Variants in TRIM37 observed in about 807,000 individuals in gnomAD.
TRIM37 encodes tripartite motif containing 37, also known as E3 ubiquitin-protein ligase TRIM37.
TRIM37 carries 80 observed loss-of-function variants against 129.8 expected under a neutral mutation model. The observed-to-expected ratio is 0.62, with a 90% CI of 0.51 to 0.74. TRIM37 has a LOEUF of 0.74. Among genes scored for constraint, TRIM37 ranks in the 30% least tolerant of loss-of-function variants. The pLI is 0.00. For synonymous variants in TRIM37, 389 were observed against 387.1 expected (o/e 1.00, Z -0.06); for missense variants, 1,054 against 1,176.5 (o/e 0.90, Z 1.52).
At chr17:59,061,239 C>A in intron 11 of TRIM37, 131 bp from the exon 12 acceptor site, 1 of 730,400 alleles carries the variant, frequency 1.4e-6, no homozygotes, top group Non-Finnish European at 2.4e-6. Flanking sequence ...ATTAAAAACA[C>A]CAATAGATTT....
intron 12 of TRIM37, among the ~76,000 whole-genome samples, chr17:59,060,248 T>G (rs1482662297): frequency 6.6e-6 from 1 of 152,156 alleles, no homozygotes; most frequent in Non-Finnish European, 1.5e-5. Flanking sequence ...ATTGTAGAGT[T>G]AGTTTGTGTT....
chr17:59,065,343 C>A (rs1242773539), intron 9 of TRIM37, among the ~76,000 whole-genome samples: 1 of 152,030 alleles, frequency 6.6e-6, no homozygotes, highest in Non-Finnish European at 1.5e-5. Context: ...TACTTTGAAA[C>A]TATTTACTAG....
At chr17:59,012,478 A>AT (rs780735468) in intron 21 of TRIM37, 32 bp from the exon 22 acceptor site, 1 of 1,355,952 alleles carries the variant, frequency 7.4e-7, no homozygotes, top group East Asian at 2.3e-5. Context: ...ATATTTCTCT[A>AT]TAACTAGTGA....
At chr17:58,981,102 A>G (rs567468073), downstream of TRIM37, 5 of 1,098,844 alleles carry the variant, frequency 4.6e-6, no homozygotes, top group South Asian at 6.4e-5. Context: ...AACAAGGTAG[A>G]CATTTCTAAA....
intron 9 of TRIM37, among the ~76,000 whole-genome samples, chr17:59,066,462 TA>T (rs1383999384): frequency 2.0e-5 from 3 of 152,350 alleles, no homozygotes; most frequent in Admixed American, 2.0e-4. Flanking sequence ...TATCATATTT[TA>T]TTGGCCATTA....
chr17:58,994,535 T>C (rs1470733606), downstream of TRIM37, among the ~76,000 whole-genome samples: 4 of 152,046 alleles, frequency 2.6e-5, no homozygotes, highest in African/African-American at 9.7e-5. Flanking sequence ...TGCAGTAAGC[T>C]ATGCACAGCT....
intron 19 of TRIM37, among the ~76,000 whole-genome samples, chr17:59,025,222 CATCAT>C (rs1266686465): frequency 6.6e-6 from 1 of 151,976 alleles, no homozygotes; most frequent in Admixed American, 6.6e-5. Context: ...CCTCACACAG[CATCAT>C]ATAAAATTAA....
chr17:59,050,823 CA>C (rs1227733398), intron 14 of TRIM37, among the ~76,000 whole-genome samples: 1 of 151,798 alleles, frequency 6.6e-6, no homozygotes, highest in African/African-American at 2.4e-5. Context: ...ACTAAAAATA[CA>C]AAAAAATTAG....
intron 5 of TRIM37, among the ~76,000 whole-genome samples, chr17:59,083,204 G>A (rs979077109): frequency 6.6e-6 from 1 of 152,144 alleles, no homozygotes; most frequent in African/African-American, 2.4e-5. Flanking sequence ...GGGAGGCCAA[G>A]TCAGGTGGAT....
chr17:58,992,362 C>T (rs1419874071), intron 24 of TRIM37, among the ~76,000 whole-genome samples: 1 of 146,032 alleles, frequency 6.8e-6, no homozygotes, highest in African/African-American at 2.5e-5. Context: ...GTACTGTCAA[C>T]CAGGGAAACT....
At chr17:58,993,444 GACT>G (rs2032653595), downstream of TRIM37, among the ~76,000 whole-genome samples, 1 of 152,176 alleles carries the variant, frequency 6.6e-6, no homozygotes, top group South Asian at 2.1e-4. Context: ...CCACACAGTG[GACT>G]ACTACTGCTC....
chr17:58,996,792 A>G (rs545308302), downstream of TRIM37, among the ~76,000 whole-genome samples: 38 of 79,404 alleles, frequency 4.8e-4, no homozygotes, highest in East Asian at 3.0e-3. Context: ...GTATATATAT[A>G]TGTGTGTGTG....
At chr17:59,019,151 A>T (rs909510439) in intron 19 of TRIM37, among the ~76,000 whole-genome samples, 1 of 152,192 alleles carries the variant, frequency 6.6e-6, no homozygotes, top group African/African-American at 2.4e-5. Flanking sequence ...TTCCACTTCT[A>T]AGCATATACT....
intron 15 of TRIM37, among the ~76,000 whole-genome samples, 200 bp downstream of exon 15, chr17:59,048,977 GT>G (rs1245230750): frequency 1.3e-5 from 2 of 152,078 alleles, no homozygotes; most frequent in Admixed American, 6.5e-5. Flanking sequence ...ACAATGTATT[GT>G]TTTTTTCACA....
At chr17:59,015,909 G>A (rs1193727209) in intron 20 of TRIM37, 110 bp from the exon 21 acceptor site, 13 of 1,042,282 alleles carry the variant, frequency 1.2e-5, no homozygotes, top group African/African-American at 4.7e-5. Flanking sequence ...AACCTGGGAG[G>A]CGGAGGTTGC....
intron 13 of TRIM37, among the ~76,000 whole-genome samples, chr17:59,056,607 G>A (rs904075287): frequency 6.7e-6 from 1 of 149,360 alleles, no homozygotes; most frequent in Non-Finnish European, 1.5e-5. Flanking sequence ...GCGGGCGCCT[G>A]TAGTCCCAGC....
intron 23 of TRIM37, among the ~76,000 whole-genome samples, chr17:59,000,635 A>T (rs35710199): frequency 1.3e-5 from 2 of 152,150 alleles, no homozygotes; most frequent in Non-Finnish European, 2.9e-5. Context: ...TGCAAATAAG[A>T]CAGAAGAAAA....
chr17:59,015,505 A>C (rs2035811046), intron 21 of TRIM37, 105 bp downstream of exon 21: 3 of 1,214,764 alleles, frequency 2.5e-6, no homozygotes, highest in Non-Finnish European at 3.6e-6. Context: ...TCCACTAAAA[A>C]ATTAACAAGG....
At chr17:59,066,361 A>G (rs2041920296) in intron 9 of TRIM37, among the ~76,000 whole-genome samples, 2 of 152,220 alleles carry the variant, frequency 1.3e-5, no homozygotes, top group Admixed American at 6.5e-5. Context: ...GTTGCCTGCT[A>G]ATCTGCATAT....
Sources: gnomAD v4.1 joint callset for allele counts (sites outside exome capture counted in the v4.1 genomes callset) on GRCh38, gnomAD v4.1.1 for gene constraint, MANE v1.5 for transcripts, NCBI Gene and HGNC (gene_info 2026-07-23, HGNC 2026-07-21) for gene names.